Variants in LASP1 observed in about 807,000 individuals in gnomAD.
LASP1 encodes LIM and SH3 domain protein 1.
A neutral mutation model predicts 38.6 loss-of-function variants in LASP1; 10 were observed. That is an observed-to-expected ratio of 0.26 (90% CI 0.16 to 0.44). The LOEUF is 0.44. Among genes scored for constraint, LASP1 ranks in the 20% least tolerant of loss-of-function variants. The pLI, the probability that LASP1 is intolerant of heterozygous loss-of-function variation, is 1.00. For synonymous variants in LASP1, 132 were observed against 140.8 expected, an observed-to-expected ratio of 0.94 and a Z score of 0.44; for missense variants, 243 against 375.7, an observed-to-expected ratio of 0.65 and a Z score of 2.92.
At chr17:38,872,193 C>T (rs930364953) in intron 1 of LASP1, among the ~76,000 whole-genome samples, 6 of 152,268 alleles carry the variant, frequency 3.9e-5, no homozygotes, top group Non-Finnish European at 7.3e-5. Flanking sequence ...GATGTCATTT[C>T]CTTAAAGGTG....
intron 3 of LASP1, among the ~76,000 whole-genome samples, chr17:38,897,980 G>A (rs1914535079): frequency 6.6e-6 from 1 of 152,216 alleles, no homozygotes; most frequent in South Asian, 2.1e-4. Flanking sequence ...CAGACAGGAT[G>A]GGCAGGGAGT....
rs183499908 is a variant in LASP1 at position 38,898,870 on chromosome 17, G to A, written c.357+351G>A. The A allele has an allele frequency of 1.1e-4, 45 of 409,760 alleles. No homozygotes were observed. In the Admixed American group the frequency reaches 1.1e-3, roughly 10 times the overall value. 25.4% of individuals were successfully genotyped at this position (409,760 alleles called of 1,614,324 possible). A position where few individuals can be genotyped will look rare whatever the true frequency, so the allele number is the denominator to read the frequency against. ...AGCACAAAGGTCAAAACTGGGGGGC[G>A]GGGAGCACCTGGCCTCCCCTGGTCT... is the stretch of plus-strand genomic sequence containing the variant. On this transcript the variant is annotated intron_variant, in intron 4 of 6. Coordinates refer to ENST00000318008, the MANE Select transcript of LASP1 (RefSeq NM_006148.4).
At chr17:38,883,656 A>G (rs1331779515) in intron 2 of LASP1, among the ~76,000 whole-genome samples, 3 of 151,768 alleles carry the variant, frequency 2.0e-5, no homozygotes, top group Middle Eastern at 3.2e-3. Flanking sequence ...CCTACGTTTT[A>G]CAGATGAGGA....
At chr17:38,898,899 C>T (rs2143790790) in intron 4 of LASP1, 1 of 381,750 alleles carries the variant, frequency 2.6e-6, no homozygotes, top group Non-Finnish European at 5.3e-6. Context: ...CTGGTCTGCG[C>T]CTGGGTGCTG....
In LASP1 at chr17:38,919,697, G is replaced by A. The variant is rs530159168; in HGVS notation, c.*919G>A. 9.6e-5 allele frequency: 34 copies of A among 354,880 alleles called. No homozygotes were observed. The highest frequency in any genetic ancestry group is 6.2e-4 in the African/African-American group (31 of 49,886). 22.0% of individuals were successfully genotyped at this position (354,880 alleles called of 1,614,324 possible). On this transcript the variant is annotated 3_prime_UTR_variant, in exon 7 of 7. Transcript: ENST00000318008. The stretch of plus-strand genomic sequence containing the variant: ...CCCCCAGGATCTGGGTTAGGTGGCC[G>A]CTCCTCCCTGCTCCTCATGGGAAGA...
rs374886976 is a variant in LASP1 at position 38,914,512 on chromosome 17, C to T, written c.508+37C>T. Reference sequence around the variant, plus strand: ...TCCTGTTGGTGCAGATGACCTGAGGCGAGGCCAGTGGGGTGGGGAGGAAGC... The same window carrying T: ...TCCTGTTGGTGCAGATGACCTGAGGTGAGGCCAGTGGGGTGGGGAGGAAGC... On this transcript the variant is annotated intron_variant, in intron 5 of 6. Coordinates refer to ENST00000318008, the MANE Select transcript of LASP1 (RefSeq NM_006148.4). 2.2e-4 allele frequency: 349 copies of T among 1,560,970 alleles called. 2 individuals are homozygous for T. The highest frequency in any genetic ancestry group is 9.0e-4 in the African/African-American group (66 of 73,486).
chr17:38,903,276 A>G (rs1475439229), intron 4 of LASP1, among the ~76,000 whole-genome samples: 2 of 152,152 alleles, frequency 1.3e-5, no homozygotes, highest in African/African-American at 4.8e-5. Flanking sequence ...CAGTTTCCTC[A>G]TTTGTAAAAA....
At chr17:38,917,166 AGG>A (rs1412299283) in intron 6 of LASP1, among the ~76,000 whole-genome samples, 1 of 152,182 alleles carries the variant, frequency 6.6e-6, no homozygotes. Context: ...GGGTAGAAGC[AGG>A]GAGACCGTCA....
chr17:38,872,688 TC>T (rs952819573), intron 1 of LASP1, among the ~76,000 whole-genome samples: 9 of 152,190 alleles, frequency 5.9e-5, no homozygotes, highest in Admixed American at 6.5e-5. Flanking sequence ...TCCCAAGGCC[TC>T]CCATTTACAG....
chr17:38,896,923 GC>G, intron 3 of LASP1: 2 of 985,424 alleles, frequency 2.0e-6, no homozygotes, highest in Non-Finnish European at 1.2e-6. Context: ...GAGGCCAGGG[GC>G]TTGAGATGCA....
At chr17:38,876,988 C>T (rs531933198) in intron 1 of LASP1, among the ~76,000 whole-genome samples, 2 of 152,364 alleles carry the variant, frequency 1.3e-5, no homozygotes, top group East Asian at 1.9e-4. Context: ...AGGCGTGAGC[C>T]ACCGTGCCCG....
chr17:38,918,697 C>T lies in LASP1; in HGVS notation c.705C>T (p.Ile235=), dbSNP rs372042740. Residue 235 remains isoleucine (I), a synonymous_variant, in exon 7 of 7, where the codon ATC becomes ATT. Coordinates refer to ENST00000318008, the MANE Select transcript of LASP1 (RefSeq NM_006148.4). This position sits in a 1 kb window ranked among gnomAD's most constrained non-coding sequence, Gnocchi z 4.4. ...ACACCATCGTCAACGTGCAGCAGAT[C>T]GACGACGGCTGGATGTACGGGACGG... ...DGDTIVNVQQ[I]DDGWMYGTVE... The T allele has an allele frequency of 3.4e-5, 55 of 1,613,992 alleles. No homozygotes were observed. Among genetic ancestry groups the T allele is most frequent in the East Asian group, 1.6e-4 (7 of 44,888 alleles).
Position 38,920,253 on chromosome 17 carries a change from A to G in LASP1, c.*1475A>G. 1 of 441,866 alleles carries G rather than the reference A, an allele frequency of 2.3e-6. No homozygotes were observed. Among genetic ancestry groups the G allele is most frequent in the South Asian group, 2.0e-5 (1 of 49,598 alleles). The allele number at this position is 441,866 out of a possible 1,614,324, so 27.4% of individuals were successfully genotyped here. The stretch of plus-strand genomic sequence containing the variant: ...GTCTGGGGCTACAGAATAGGGTGGC[A>G]GAAGTGTCACCCTGTGGGTGTCTCC... On this transcript the variant is annotated 3_prime_UTR_variant, in exon 7 of 7. Transcript: ENST00000318008.
chr17:38,918,883 A>T lies in LASP1; in HGVS notation c.*105A>T. On this transcript the variant is annotated 3_prime_UTR_variant, in exon 7 of 7. Transcript: ENST00000318008. This position sits in a 1 kb window ranked among gnomAD's most constrained non-coding sequence, Gnocchi z 4.4. Reference sequence around the variant, plus strand: ...GTCTCTGTTTTTTAAAACCTGCGACAGCTTGTGATTCCTACCCCTCTTCCA... The same window carrying T: ...GTCTCTGTTTTTTAAAACCTGCGACTGCTTGTGATTCCTACCCCTCTTCCA... 1 of 1,276,258 alleles carries T rather than the reference A, an allele frequency of 7.8e-7. No homozygotes were observed. 79.1% of individuals were successfully genotyped at this position (1,276,258 alleles called of 1,614,324 possible).
chr17:38,912,014 G>A (rs1598120971), intron 4 of LASP1, among the ~76,000 whole-genome samples: 1 of 152,220 alleles, frequency 6.6e-6, no homozygotes, highest in African/African-American at 2.4e-5. Context: ...GGCTGGTCTC[G>A]AACTCCTGAC....
At chr17:38,889,320 C>T (rs987571568) in intron 2 of LASP1, among the ~76,000 whole-genome samples, 7 of 151,964 alleles carry the variant, frequency 4.6e-5, no homozygotes, top group Non-Finnish European at 8.8e-5. Context: ...TAGTGGAGAC[C>T]GGGGTTTCAG....
intron 3 of LASP1, among the ~76,000 whole-genome samples, chr17:38,892,551 G>GACACACACACAC (rs530593526): frequency 8.8e-4 from 126 of 143,836 alleles, no homozygotes; most frequent in East Asian, 2.7e-3. Flanking sequence ...GGTCTTTGGA[G>GACACACACACAC]ACACACACAC....
At chr17:38,905,361 A>G (rs898932857) in intron 4 of LASP1, among the ~76,000 whole-genome samples, 1 of 151,738 alleles carries the variant, frequency 6.6e-6, no homozygotes, top group Non-Finnish European at 1.5e-5. Flanking sequence ...ACCCCGTCTC[A>G]ACTAAAAATA....
chr17:38,904,162 G>T (rs1914716239), intron 4 of LASP1, among the ~76,000 whole-genome samples: 1 of 152,092 alleles, frequency 6.6e-6, no homozygotes. Context: ...TGCCTGTCAA[G>T]AGCCCAGTGT....
Sources: allele counts gnomAD v4.1 joint callset (sites outside exome capture counted in the v4.1 genomes callset), GRCh38; gene constraint gnomAD v4.1.1; non-coding constraint Gnocchi (gnomAD v3.1); transcripts MANE v1.5; gene names NCBI Gene and HGNC (gene_info 2026-07-23, HGNC 2026-07-21).